The following FAM174B variants were observed in gnomAD, a reference collection of about 807,000 sequenced individuals.
FAM174B encodes the protein family with sequence similarity 174 member B, also known as membrane protein FAM174B.
In FAM174B, 12 loss-of-function variants were observed where a neutral mutation model predicts 10.9. That is an observed-to-expected ratio of 1.10 (90% CI 0.71 to 1.79). The LOEUF is 1.79. FAM174B is among the 40% of genes most tolerant of loss of function. The pLI is 0.00. For missense variants in FAM174B, 266 were observed against 233.3 expected, an observed-to-expected ratio of 1.14 and a Z score of -0.91; for synonymous variants, 132 against 115.8, an observed-to-expected ratio of 1.14 and a Z score of -0.90.
Position 92,654,352 on chromosome 15 carries a change from C to A in FAM174B, c.344+964G>T, listed in dbSNP as rs569553907. Among the ~76,000 whole-genome samples, 47 of 152,316 alleles carry A rather than the reference C, an allele frequency of 3.1e-4. No homozygotes were observed. The South Asian group carries it at 5.6e-3, about 18-fold the overall frequency. On this transcript the variant is annotated intron_variant, in intron 1 of 2. Transcript: ENST00000327355. ...AGCAGAGGGAGGCAGCAGTGAACAG[C>A]TGACACACACACCCAGACTTCCAGG...
Position 92,655,722 on chromosome 15 carries a change from A to G in FAM174B, c.-63T>C. 4 of 1,195,234 alleles carry G rather than the reference A, an allele frequency of 3.3e-6. No individual in the cohort carries two copies. The highest frequency in any genetic ancestry group is 4.2e-6 in the Non-Finnish European group (4 of 958,940). The allele number at this position is 1,195,234 out of a possible 1,614,324, so 74.0% of individuals were successfully genotyped here. On this transcript the variant is annotated 5_prime_UTR_variant, in exon 1 of 3. Coordinates refer to ENST00000327355, the MANE Select transcript of FAM174B (RefSeq NM_207446.3). Reference sequence around the variant, plus strand: ...GCGGCTGAGCTCCAGGATCCGCACCAGCACGGAGGCCTGCACCGGGGGATC... The same window carrying G: ...GCGGCTGAGCTCCAGGATCCGCACCGGCACGGAGGCCTGCACCGGGGGATC...
At chr15:92,641,071 C>CAT (rs1037552314) in intron 1 of FAM174B, among the ~76,000 whole-genome samples, 12 of 152,042 alleles carry the variant, frequency 7.9e-5, no homozygotes, top group Non-Finnish European at 1.8e-4. Context: ...TTCACACACA[C>CAT]ACACACACAC....
intron 2 of FAM174B, among the ~76,000 whole-genome samples, chr15:92,622,733 C>T (rs386357): frequency 0.23 from 34,920 of 152,240 alleles, 4,518 homozygotes; most frequent in East Asian, 0.5. Flanking sequence ...TGTTGAGCCA[C>T]CTTGGGCTCA....
At chr15:92,642,878 CAT>C (rs1272587132) in intron 1 of FAM174B, among the ~76,000 whole-genome samples, 1 of 152,148 alleles carries the variant, frequency 6.6e-6, no homozygotes, top group East Asian at 1.9e-4. Flanking sequence ...ACATGCCACA[CAT>C]AGATGAACCC....
At position 92,655,535 on chromosome 15, in the gene FAM174B, T is replaced by C. The variant is rs1274151163; in HGVS notation, c.125A>G (p.Glu42Gly). The change falls in exon 1 of 3, where the codon GAG becomes GGG. Residue 42 changes from glutamate to glycine, a missense_variant. By Grantham distance (98) the Glu-to-Gly change is moderately conservative (BLOSUM62 -2). Transcript: ENST00000327355. Reference sequence around the variant, plus strand: ...CCCCGGGCCGGGCGGTGGCCGCGACTCGCGCTCGGGTTCGGGCCACGGCGC... The same window carrying C: ...CCCCGGGCCGGGCGGTGGCCGCGACCCGCGCTCGGGTTCGGGCCACGGCGC... ...VSAPWPEPERESRPPPGPGPG... is the reference protein window; with the variant it reads ...VSAPWPEPERGSRPPPGPGPG... 1 of 1,479,286 alleles carries C rather than the reference T, an allele frequency of 6.8e-7. No homozygotes were observed. The highest frequency in any genetic ancestry group is 9.0e-7 in the Non-Finnish European group (1 of 1,115,150). The allele number at this position is 1,479,286 out of a possible 1,614,324, so 91.6% of individuals were successfully genotyped here. A position where few individuals can be genotyped will look rare whatever the true frequency, so the allele number is the denominator to read the frequency against.
chr15:92,617,973 T>A lies in FAM174B; in HGVS notation c.*1483A>T. 1 of 352,994 alleles carries A rather than the reference T, an allele frequency of 2.8e-6. No individual in the cohort carries two copies. Among genetic ancestry groups the A allele is most frequent in the East Asian group, 4.2e-5 (1 of 24,022 alleles). 21.9% of individuals were successfully genotyped at this position (352,994 alleles called of 1,614,324 possible). A position where few individuals can be genotyped will look rare whatever the true frequency, so the allele number is the denominator to read the frequency against. The stretch of plus-strand genomic sequence containing the variant: ...TCCTGCAGAGGCGAAACTGCCTTCC[T>A]GGCAGGCGGAGGCTGCCGAGCTCCC... On this transcript the variant is annotated 3_prime_UTR_variant, in exon 3 of 3. Coordinates refer to ENST00000327355, the MANE Select transcript of FAM174B (RefSeq NM_207446.3).
In FAM174B at chr15:92,655,177, G is replaced by A. The variant is rs909114248; in HGVS notation, c.344+139C>T. The stretch of plus-strand genomic sequence containing the variant: ...ACCCCGGCCCCCCACCCACTCTCCC[G>A]GGCAGGGCAGGAGGCACACGGCTGG... On this transcript the variant is annotated intron_variant, in intron 1 of 2. Coordinates refer to ENST00000327355, the MANE Select transcript of FAM174B (RefSeq NM_207446.3). 2.1e-5 allele frequency: 27 copies of A among 1,260,040 alleles called. No individual in the cohort carries two copies. The South Asian group carries it at 4.1e-4, about 19-fold the overall frequency. 78.1% of individuals were successfully genotyped at this position (1,260,040 alleles called of 1,614,324 possible). A position where few individuals can be genotyped will look rare whatever the true frequency, so the allele number is the denominator to read the frequency against.
intron 1 of FAM174B, among the ~76,000 whole-genome samples, chr15:92,653,715 G>A (rs144840502): frequency 7.2e-5 from 11 of 152,388 alleles, no homozygotes; most frequent in African/African-American, 2.4e-4. Context: ...TACAGAGGAA[G>A]GAGGATGGGA....
chr15:92,634,965 T>C (rs746878218), intron 1 of FAM174B, among the ~76,000 whole-genome samples: 1 of 152,206 alleles, frequency 6.6e-6, no homozygotes, highest in African/African-American at 2.4e-5. Flanking sequence ...ATCGGCTCTT[T>C]GTGAGTCTGC....
chr15:92,624,740 T>C (rs1269287251), intron 2 of FAM174B, among the ~76,000 whole-genome samples: 2 of 152,178 alleles, frequency 1.3e-5, no homozygotes, highest in African/African-American at 2.4e-5. Flanking sequence ...GGCCACATCC[T>C]TTCCACACAT....
intron 1 of FAM174B, among the ~76,000 whole-genome samples, chr15:92,641,935 G>T (rs1248565995): frequency 6.6e-6 from 1 of 152,190 alleles, no homozygotes; most frequent in Non-Finnish European, 1.5e-5. Context: ...GTATTTTTAT[G>T]TAGAATATAT....
At chr15:92,635,123 TC>T (rs1317453638) in intron 1 of FAM174B, among the ~76,000 whole-genome samples, 4 of 28,488 alleles carry the variant, frequency 1.4e-4, no homozygotes, top group Non-Finnish European at 6.7e-4. Context: ...TTTCTCTGTC[TC>T]TCTCTCTCTC....
chr15:92,631,438 TTA>T (rs1294863903), intron 1 of FAM174B, among the ~76,000 whole-genome samples: 5 of 69,866 alleles, frequency 7.2e-5, no homozygotes, highest in South Asian at 3.4e-4. Context: ...ATATAATATA[TTA>T]TATATATAAC....
chr15:92,629,281 G>C (rs2050774866), intron 2 of FAM174B, among the ~76,000 whole-genome samples: 1 of 152,184 alleles, frequency 6.6e-6, no homozygotes, highest in South Asian at 2.1e-4. Flanking sequence ...CTCATCCTCA[G>C]CTCTTCCATT....
chr15:92,639,000 G>C (rs952639359), intron 1 of FAM174B, among the ~76,000 whole-genome samples: 1 of 152,296 alleles, frequency 6.6e-6, no homozygotes, highest in South Asian at 2.1e-4. Context: ...ACAGCCTCCC[G>C]CCAGTGAGGC....
chr15:92,630,753 T>C (rs1452520985), intron 1 of FAM174B, among the ~76,000 whole-genome samples: 34 of 5,066 alleles, frequency 6.7e-3, no homozygotes, highest in Non-Finnish European at 0.011. Context: ...TTTTATATTA[T>C]ATAATAATAT....
rs1258760552 is a variant in FAM174B, at chr15:92,618,681, C to T, written c.*775G>A. The T allele has an allele frequency of 6.5e-6, 1 of 153,762 alleles. No individual in the cohort carries two copies. The highest frequency in any genetic ancestry group is 1.5e-5 in the Non-Finnish European group (1 of 68,854). 9.5% of individuals were successfully genotyped at this position (153,762 alleles called of 1,614,324 possible). On this transcript the variant is annotated 3_prime_UTR_variant, in exon 3 of 3. Coordinates refer to ENST00000327355, the MANE Select transcript of FAM174B (RefSeq NM_207446.3). ...TAATCACAGGCTGCCTAGCACTTTC[C>T]TTTCCCTTCAGAGAAGGAGAAACTG...
chr15:92,617,567 G>A lies in FAM174B; in HGVS notation c.*1889C>T, dbSNP rs2050687048. 2 of 539,520 alleles carry A rather than the reference G, an allele frequency of 3.7e-6. No homozygotes were observed. The highest frequency in any genetic ancestry group is 2.4e-5 in the South Asian group (1 of 41,326). The allele number at this position is 539,520 out of a possible 1,614,324, so 33.4% of individuals were successfully genotyped here. A position where few individuals can be genotyped will look rare whatever the true frequency, so the allele number is the denominator to read the frequency against. On this transcript the variant is annotated 3_prime_UTR_variant, in exon 3 of 3. Coordinates refer to ENST00000327355, the MANE Select transcript of FAM174B (RefSeq NM_207446.3). ...GACCAGTGGCAAGCACCTGGCAGAT[G>A]GAGCCCGGGTGTTTCTGCGTAAGGC...
chr15:92,641,133 C>T (rs759441932), intron 1 of FAM174B, among the ~76,000 whole-genome samples: 1 of 152,084 alleles, frequency 6.6e-6, no homozygotes, highest in Non-Finnish European at 1.5e-5. Context: ...TCCAATCTCA[C>T]TTTCAATAAG....
Sources: gnomAD v4.1 joint callset for allele counts (sites outside exome capture counted in the v4.1 genomes callset) on GRCh38, gnomAD v4.1.1 for gene constraint, MANE v1.5 for transcripts, NCBI Gene and HGNC (gene_info 2026-07-23, HGNC 2026-07-21) for gene names.